Variants in SHANK2 observed in about 807,000 individuals in gnomAD.
The protein encoded by SHANK2 is SH3 and multiple ankyrin repeat domains protein 2.
SHANK2 carries 43 observed loss-of-function variants against 133.7 expected under a neutral mutation model. That is an observed-to-expected ratio of 0.32 (90% confidence interval 0.25 to 0.41). SHANK2 has a LOEUF of 0.41. Among genes scored for constraint, SHANK2 ranks in the 10% least tolerant of loss-of-function variants. The pLI, the probability that SHANK2 is intolerant of heterozygous loss-of-function variation, is 1.00. For missense variants in SHANK2, 1,994 were observed against 2,235.8 expected, an observed-to-expected ratio of 0.89 and a Z score of 2.18; for synonymous variants, 1,017 against 952.8, an observed-to-expected ratio of 1.07 and a Z score of -1.24.
chr11:70,712,444 T>C (rs189084129), intron 14 of SHANK2, among the ~76,000 whole-genome samples: 1 of 152,316 alleles, frequency 6.6e-6, no homozygotes, highest in East Asian at 1.9e-4. Context: ...AGACCATCCC[T>C]GTCAGACAGC....
intron 15 of SHANK2, among the ~76,000 whole-genome samples, chr11:70,674,162 G>A (rs554299485): frequency 5.9e-5 from 9 of 152,132 alleles, no homozygotes; most frequent in African/African-American, 1.7e-4. Flanking sequence ...TTAGCCTTCC[G>A]CCATGAGTGG....
chr11:71,181,180 G>T (rs1953548223), intron 2 of SHANK2, among the ~76,000 whole-genome samples: 1 of 152,024 alleles, frequency 6.6e-6, no homozygotes, highest in South Asian at 2.1e-4. Flanking sequence ...GAACGGAATT[G>T]CAGGTTCCTC....
chr11:70,540,695 G>A (rs1554975006), intron 17 of SHANK2, among the ~76,000 whole-genome samples: 1 of 152,056 alleles, frequency 6.6e-6, no homozygotes. Context: ...CCAACATGGT[G>A]AAGCCCCATC....
intron 17 of SHANK2, among the ~76,000 whole-genome samples, chr11:70,586,506 G>T (rs1476743381): frequency 6.6e-6 from 1 of 152,092 alleles, no homozygotes; most frequent in Non-Finnish European, 1.5e-5. Context: ...CTCAGAGCTG[G>T]GCAGCCTGGA....
At position 70,558,005 on chromosome 11, in the gene SHANK2, T is replaced by TC. The variant is rs1358815586; in HGVS notation, c.2062-55075dup. Among the ~76,000 whole-genome samples, 8 of 152,210 alleles carry TC rather than the reference T, an allele frequency of 5.3e-5. 1 individual carries two copies. Among genetic ancestry groups the TC allele is most frequent in the Non-Finnish European group, 1.5e-5 (1 of 68,046 alleles). On this transcript the variant is annotated intron_variant, in intron 17 of 25. Coordinates refer to ENST00000601538, the MANE Select transcript of SHANK2 (RefSeq NM_012309.5). Reference sequence around the variant, plus strand: ...CAAATGCCACCAGGAACTCTGATCATCCTTCATCTGCTGAGCAAGGAAATG... The same window carrying TC: ...CAAATGCCACCAGGAACTCTGATCATCCCTTCATCTGCTGAGCAAGGAAATG...
At position 70,623,131 on chromosome 11, in the gene SHANK2, G is replaced by A. The variant is rs373277284; in HGVS notation, c.2061+36697C>T. Among the ~76,000 whole-genome samples the A allele has an allele frequency of 3.4e-4, 51 of 152,106 alleles. 1 individual carries two copies. Among genetic ancestry groups the A allele is most frequent in the African/African-American group, 1.2e-3 (48 of 41,506 alleles). The stretch of plus-strand genomic sequence containing the variant: ...GCGGAGTTTGCAGTGAGCCAAGATC[G>A]CGCCACTGCACTCCAGCCTGAGTGA... On this transcript the variant is annotated intron_variant, in intron 17 of 25. Transcript: ENST00000601538.
intron 3 of SHANK2, among the ~76,000 whole-genome samples, chr11:71,129,079 G>A (rs1412529567): frequency 3.3e-5 from 5 of 152,198 alleles, no homozygotes; most frequent in African/African-American, 1.2e-4. Context: ...CACTGTGCCC[G>A]GCCATTTCTG....
intron 2 of SHANK2, among the ~76,000 whole-genome samples, chr11:71,189,167 G>A (rs1456683502): frequency 6.6e-6 from 1 of 152,216 alleles, no homozygotes; most frequent in Non-Finnish European, 1.5e-5. Context: ...TCTCATTCCT[G>A]AGGCTCCTCC....
intron 6 of SHANK2, among the ~76,000 whole-genome samples, chr11:71,107,513 T>C (rs1951819355): frequency 6.6e-6 from 1 of 152,218 alleles, no homozygotes; most frequent in Admixed American, 6.5e-5. Context: ...GGAAGGTAAC[T>C]GCGTGGTACC....
chr11:70,501,181 G>A (rs1555158381), intron 20 of SHANK2, among the ~76,000 whole-genome samples: 5 of 152,254 alleles, frequency 3.3e-5, no homozygotes, highest in Non-Finnish European at 7.3e-5. Flanking sequence ...CAGGGCTGCT[G>A]TTTTGGACTG....
chr11:70,616,195 T>A (rs1268806371), intron 17 of SHANK2, among the ~76,000 whole-genome samples: 1 of 152,186 alleles, frequency 6.6e-6, no homozygotes, highest in African/African-American at 2.4e-5. Flanking sequence ...TTTGACATGA[T>A]GCAACTGAAC....
chr11:71,131,564 T>C (rs1482527078), intron 3 of SHANK2, among the ~76,000 whole-genome samples: 1 of 152,168 alleles, frequency 6.6e-6, no homozygotes, highest in Non-Finnish European at 1.5e-5. Flanking sequence ...GTCTCTGCTA[T>C]TGTCAAGGTG....
At position 71,092,453 on chromosome 11, in the gene SHANK2, T is replaced by C. The variant is rs891022664; in HGVS notation, c.881A>G (p.Lys294Arg). ...LLHEHATVCC[K>R]DENGWHEIHQ... The stretch of plus-strand genomic sequence containing the variant: ...GATCTCGTGCCAGCCGTTCTCATCT[T>C]TGCAGCACACAGTGGCGTGTTCGTG... The change falls in exon 8 of 26, where the codon AAA (lysine) becomes AGA (arginine). Residue 294 changes from lysine (K) to arginine (R), a missense_variant. By Grantham distance (26) the Lys-to-Arg change is conservative. Transcript: ENST00000601538. 2 of 1,551,358 alleles carry C rather than the reference T, an allele frequency of 1.3e-6. No individual in the cohort carries two copies. Among genetic ancestry groups the C allele is most frequent in the African/African-American group, 1.4e-5 (1 of 72,944 alleles).
intron 10 of SHANK2, chr11:70,952,911 A>G (rs1555086992): frequency 4.2e-6 from 1 of 238,292 alleles, no homozygotes; most frequent in African/African-American, 2.3e-5. Context: ...TGGCATCACT[A>G]AGCTGACCCC....
chr11:70,905,001 G>A (rs1285406086), intron 10 of SHANK2, among the ~76,000 whole-genome samples: 1 of 152,122 alleles, frequency 6.6e-6, no homozygotes, highest in Non-Finnish European at 1.5e-5. Context: ...CGTGAAAATG[G>A]ACTAATACAG....
chr11:70,906,615 G>C (rs1950107847), intron 10 of SHANK2, among the ~76,000 whole-genome samples: 2 of 152,144 alleles, frequency 1.3e-5, no homozygotes, highest in South Asian at 4.2e-4. Context: ...TTCTCGGAAA[G>C]GCACGAGAGA....
At chr11:70,843,599 G>A (rs1948948987) in intron 11 of SHANK2, among the ~76,000 whole-genome samples, 1 of 151,888 alleles carries the variant, frequency 6.6e-6, no homozygotes, top group Non-Finnish European at 1.5e-5. Context: ...GACCCTGTGA[G>A]GTCACAAGGA....
chr11:70,599,971 G>GAGAA (rs1554990618), intron 17 of SHANK2, among the ~76,000 whole-genome samples: 2 of 105,096 alleles, frequency 1.9e-5, no homozygotes, highest in Middle Eastern at 5.1e-3. Flanking sequence ...AAGAAAGAAA[G>GAGAA]AAAATGTATC....
chr11:70,778,698 C>T (rs988708996), intron 14 of SHANK2, among the ~76,000 whole-genome samples: 1 of 152,190 alleles, frequency 6.6e-6, no homozygotes, highest in Non-Finnish European at 1.5e-5. Flanking sequence ...TCTGCAGCTT[C>T]TAGACTCCAG....
Sources: gnomAD v4.1 joint callset for allele counts (sites outside exome capture counted in the v4.1 genomes callset) on GRCh38, gnomAD v4.1.1 for gene constraint, MANE v1.5 for transcripts, NCBI Gene and HGNC (gene_info 2026-07-23, HGNC 2026-07-21) for gene names.